The following PSME4 variants were observed in gnomAD, a reference collection of about 807,000 sequenced individuals.
PSME4 encodes the protein proteasome activator subunit 4.
A neutral mutation model predicts 253.9 loss-of-function variants in PSME4; 89 were observed. The ratio of observed to expected loss-of-function variants is 0.35; its 90% confidence interval spans 0.30 to 0.42. The LOEUF is 0.42. Among genes scored for constraint, PSME4 ranks in the 10% least tolerant of loss-of-function variants. PSME4 has a pLI of 1.00. For missense variants in PSME4, 2,014 were observed against 2,195.2 expected, an observed-to-expected ratio of 0.92 and a Z score of 1.65; for synonymous variants, 851 against 759.2, an observed-to-expected ratio of 1.12 and a Z score of -1.99.
intron 19 of PSME4, 135 bp downstream of exon 19, chr2:53,920,058 T>A: frequency 1.3e-6 from 1 of 792,218 alleles, no homozygotes; most frequent in Non-Finnish European, 1.9e-6. Context: ...TTATATTAAA[T>A]GATTTTCTAA....
intron 17 of PSME4, 131 bp from the exon 18 acceptor site, chr2:53,921,235 C>G: frequency 7.5e-7 from 1 of 1,327,860 alleles, no homozygotes; most frequent in Non-Finnish European, 1.0e-6. Context: ...TTAGGATTGT[C>G]ACTTTAACTG....
chr2:53,952,415 G>A (rs576697603), intron 1 of PSME4, among the ~76,000 whole-genome samples: 56 of 152,230 alleles, frequency 3.7e-4, no homozygotes, highest in African/African-American at 1.0e-3. Context: ...GGTGGTGCGC[G>A]CCTCTAATCC....
intron 4 of PSME4, among the ~76,000 whole-genome samples, chr2:53,938,470 T>A (rs1669229097): frequency 6.6e-6 from 1 of 150,618 alleles, no homozygotes; most frequent in Admixed American, 6.6e-5. Context: ...TACACCTTAA[T>A]GGGCTTTTTT....
intron 16 of PSME4, 87 bp downstream of exon 16, chr2:53,922,962 G>C: frequency 1.9e-6 from 2 of 1,047,834 alleles, no homozygotes; most frequent in East Asian, 2.7e-5. Context: ...GAAGCTAAAG[G>C]AATCTGTTGT....
Position 53,970,898 on chromosome 2 carries a change from T to C in PSME4, c.-114A>G, listed in dbSNP as rs1053216950. 41 of 937,392 alleles carry C rather than the reference T, an allele frequency of 4.4e-5. No homozygotes were observed. In the Middle Eastern group the frequency reaches 1.1e-3, roughly 24 times the overall value. The allele number at this position is 937,392 out of a possible 1,614,324, so 58.1% of individuals were successfully genotyped here. On this transcript the variant is annotated 5_prime_UTR_variant, in exon 1 of 47. Coordinates refer to ENST00000404125, the MANE Select transcript of PSME4 (RefSeq NM_014614.3). ...TCGCCCTGCGGCCGCTGGCGGCCCG[T>C]CGCCCTCGGACCGATCGCTAGGCCC...
At chr2:53,924,408 A>G (rs1050894954) in intron 14 of PSME4, among the ~76,000 whole-genome samples, 1 of 152,222 alleles carries the variant, frequency 6.6e-6, no homozygotes, top group Non-Finnish European at 1.5e-5. Context: ...GTGTAGTCTT[A>G]AAGGCTACAG....
At chr2:53,866,551 T>C (rs1293119935) in intron 45 of PSME4, among the ~76,000 whole-genome samples, 196 bp downstream of exon 45, 2 of 152,224 alleles carry the variant, frequency 1.3e-5, no homozygotes, top group Non-Finnish European at 2.9e-5. Flanking sequence ...ATTTCCTCAC[T>C]ACCAAAAGAT....
Position 53,921,233 on chromosome 2 carries a change from G to C in PSME4, c.2047-129C>G. The C allele has an allele frequency of 2.9e-6, 4 of 1,394,216 alleles. No individual in the cohort carries two copies. In the South Asian group the frequency reaches 5.3e-5, roughly 18 times the overall value. 86.4% of individuals were successfully genotyped at this position (1,394,216 alleles called of 1,614,324 possible). ...AATGACTTTAATTAATTTTAGGATT[G>C]TCACTTTAACTGCATTCTAATAATT... is the stretch of plus-strand genomic sequence containing the variant. On this transcript the variant is annotated intron_variant, in intron 17 of 46. Transcript: ENST00000404125.
At chr2:53,923,527 C>T in intron 14 of PSME4, 108 bp from the exon 15 acceptor site, 1 of 1,331,580 alleles carries the variant, frequency 7.5e-7, no homozygotes, top group Non-Finnish European at 9.9e-7. Flanking sequence ...AAAATAAGCC[C>T]ATAGGCAATT....
At chr2:53,938,339 C>A (rs1371145823) in intron 4 of PSME4, among the ~76,000 whole-genome samples, 1 of 152,116 alleles carries the variant, frequency 6.6e-6, no homozygotes, top group Non-Finnish European at 1.5e-5. Flanking sequence ...GGTCTACAGG[C>A]TGTGATATTC....
intron 20 of PSME4, among the ~76,000 whole-genome samples, chr2:53,911,207 T>C (rs1479629883): frequency 1.3e-5 from 2 of 152,302 alleles, no homozygotes; most frequent in East Asian, 1.9e-4. Flanking sequence ...GTACAGAGGA[T>C]AGCAACAATA....
intron 3 of PSME4, among the ~76,000 whole-genome samples, chr2:53,940,938 TAA>T (rs1242498457): frequency 2.0e-4 from 12 of 59,392 alleles, no homozygotes; most frequent in African/African-American, 7.9e-4. Flanking sequence ...AATACATATA[TAA>T]ATATATATAT....
intron 1 of PSME4, among the ~76,000 whole-genome samples, chr2:53,961,062 G>A (rs529722059): frequency 4.3e-4 from 65 of 152,102 alleles, no homozygotes; most frequent in Non-Finnish European, 9.0e-4. Context: ...AGGCAAGATG[G>A]TACAATTGCA....
At chr2:53,902,845 T>A (rs1680474926) in intron 27 of PSME4, among the ~76,000 whole-genome samples, 1 of 152,208 alleles carries the variant, frequency 6.6e-6, no homozygotes, top group Non-Finnish European at 1.5e-5. Context: ...AAGCTTTTAC[T>A]TTTACAAAAG....
chr2:53,934,371 C>A (rs1314151651), intron 8 of PSME4, among the ~76,000 whole-genome samples: 1 of 152,152 alleles, frequency 6.6e-6, no homozygotes, highest in Non-Finnish European at 1.5e-5. Context: ...TCGTGAATCC[C>A]TCAAAACCCT....
rs368083335 is a variant in PSME4 at position 53,866,741 on chromosome 2, C to T, written c.5397+6G>A. On this transcript the variant is annotated splice_donor_region_variant and intron_variant, in intron 45 of 46. Transcript: ENST00000404125. ...ACACGTACAAACTAATAAGGAAGAACTGTACCTCAATAGGCTGAGGATCAT... is the reference window on the plus strand; with the variant it reads ...ACACGTACAAACTAATAAGGAAGAATTGTACCTCAATAGGCTGAGGATCAT... 49 of 1,610,838 alleles carry T rather than the reference C, an allele frequency of 3.0e-5. 1 individual carries two copies. The African/African-American group carries it at 5.5e-4, about 18-fold the overall frequency.
At chr2:53,926,789 A>G (rs1470715724) in intron 12 of PSME4, among the ~76,000 whole-genome samples, 1 of 152,016 alleles carries the variant, frequency 6.6e-6, no homozygotes, top group Non-Finnish European at 1.5e-5. Context: ...CCTGGCCAAC[A>G]TGATGAAACC....
intron 10 of PSME4, among the ~76,000 whole-genome samples, chr2:53,931,548 G>C (rs111516930): frequency 6.6e-6 from 1 of 152,024 alleles, no homozygotes; most frequent in Non-Finnish European, 1.5e-5. Flanking sequence ...TCAACATTTC[G>C]ATCTAAAAAG....
At chr2:53,905,112 C>G (rs1680594020) in intron 26 of PSME4, among the ~76,000 whole-genome samples, 1 of 151,210 alleles carries the variant, frequency 6.6e-6, no homozygotes, top group Non-Finnish European at 1.5e-5. Flanking sequence ...TCACTGCAAC[C>G]TCCGCCTCCC....
Sources: allele counts gnomAD v4.1 joint callset (sites outside exome capture counted in the v4.1 genomes callset), GRCh38; gene constraint gnomAD v4.1.1; transcripts MANE v1.5; gene names NCBI Gene and HGNC (gene_info 2026-07-23, HGNC 2026-07-21).